ZNF724: variants seen among roughly 807,000 people sequenced by gnomAD.
The protein encoded by ZNF724 is zinc finger protein 724 pseudogene.
In ZNF724, 14 loss-of-function variants were observed where a neutral mutation model predicts 29.3. That is an observed-to-expected ratio of 0.48 (90% CI 0.32 to 0.75). The LOEUF (loss-of-function observed/expected upper bound fraction) is 0.75, where lower values mean the gene tolerates loss of function less well. Ranked by LOEUF, ZNF724 falls within the 30% of genes least tolerant of loss-of-function variation. The pLI is 0.04. For synonymous variants in ZNF724, 180 were observed against 193.6 expected (o/e 0.93, Z 0.58); for missense variants, 557 against 571.2 (o/e 0.98, Z 0.25).
intron 3 of ZNF724, among the ~76,000 whole-genome samples, chr19:23,225,246 G>A (rs1032610712): frequency 6.6e-6 from 1 of 152,138 alleles, no homozygotes; most frequent in Non-Finnish European, 1.5e-5. Flanking sequence ...TAACCCAGAT[G>A]TCTTTTGATT....
At chr19:23,234,147 C>T (rs1971985257) in intron 1 of ZNF724, among the ~76,000 whole-genome samples, 1 of 152,188 alleles carries the variant, frequency 6.6e-6, no homozygotes, top group Admixed American at 6.5e-5. Context: ...GCCCTGTGAC[C>T]ATCCTTCAGT....
At chr19:23,247,374 A>T (rs1210162967) in intron 1 of ZNF724, among the ~76,000 whole-genome samples, 1 of 152,208 alleles carries the variant, frequency 6.6e-6, no homozygotes, top group Non-Finnish European at 1.5e-5. Context: ...TCACCTTTCA[A>T]GCTCTACTAA....
At chr19:23,246,920 G>T (rs1439521697) in intron 1 of ZNF724, among the ~76,000 whole-genome samples, 3 of 151,996 alleles carry the variant, frequency 2.0e-5, no homozygotes, top group African/African-American at 7.2e-5. Context: ...AAACACTCAG[G>T]CAAAAAAACA....
intron 1 of ZNF724, among the ~76,000 whole-genome samples, chr19:23,244,112 G>A (rs1972192344): frequency 6.6e-6 from 1 of 151,996 alleles, no homozygotes; most frequent in Non-Finnish European, 1.5e-5. Flanking sequence ...ACGGGTGGGG[G>A]TAAGTGCAAT....
chr19:23,243,107 G>C (rs111330076), intron 1 of ZNF724, among the ~76,000 whole-genome samples: 1 of 150,742 alleles, frequency 6.6e-6, no homozygotes. Flanking sequence ...ATGGAATACT[G>C]TATGACCATA....
At chr19:23,242,083 A>G (rs1033862756) in intron 1 of ZNF724, among the ~76,000 whole-genome samples, 2 of 152,202 alleles carry the variant, frequency 1.3e-5, no homozygotes, top group African/African-American at 4.8e-5. Flanking sequence ...ATACATCAAC[A>G]TACAAGCCAA....
intron 1 of ZNF724, among the ~76,000 whole-genome samples, chr19:23,246,333 C>T (rs1163124855): frequency 6.6e-6 from 1 of 152,098 alleles, no homozygotes; most frequent in Non-Finnish European, 1.5e-5. Flanking sequence ...TATGGGGACA[C>T]CTCTAGGAGG....
intron 1 of ZNF724, among the ~76,000 whole-genome samples, chr19:23,234,386 G>A (rs1486108581): frequency 6.6e-6 from 1 of 152,058 alleles, no homozygotes; most frequent in Non-Finnish European, 1.5e-5. Flanking sequence ...TGGCAAAAAC[G>A]TCAATTAACT....
chr19:23,232,111 AAAAC>A, intron 2 of ZNF724, 52 bp downstream of exon 2: 1 of 1,217,618 alleles, frequency 8.2e-7, no homozygotes, highest in Non-Finnish European at 1.2e-6. Flanking sequence ...ATCCTACAAA[AAAAC>A]AAACGAAATA....
At position 23,229,108 on chromosome 19, in the gene ZNF724, C is replaced by T. The variant is rs145914809; in HGVS notation, c.226+2158G>A. On this transcript the variant is annotated intron_variant, in intron 3 of 3. Transcript: ENST00000418100. Reference sequence around the variant, plus strand: ...GATTGAGAGAGAGAGCTTTGAGATCCAGGGAGGGAGTTGTGAAACTCTGAT... The same window carrying T: ...GATTGAGAGAGAGAGCTTTGAGATCTAGGGAGGGAGTTGTGAAACTCTGAT... Among the ~76,000 whole-genome samples the T allele has an allele frequency of 3.0e-4, 45 of 151,942 alleles. 1 individual carries two copies. The highest frequency in any genetic ancestry group is 1.0e-3 in the African/African-American group (42 of 41,450).
At chr19:23,228,348 G>A (rs377529483) in intron 3 of ZNF724, among the ~76,000 whole-genome samples, 26 of 151,768 alleles carry the variant, frequency 1.7e-4, no homozygotes, top group African/African-American at 6.3e-4. Flanking sequence ...TACTCGGGAG[G>A]CTGAGACAGC....
At chr19:23,231,892 C>T (rs1971939326) in intron 2 of ZNF724, among the ~76,000 whole-genome samples, 2 of 152,006 alleles carry the variant, frequency 1.3e-5, no homozygotes, top group Non-Finnish European at 2.9e-5. Flanking sequence ...CACCACTACA[C>T]CTGGCTAATT....
At chr19:23,229,303 C>G (rs924851000) in intron 3 of ZNF724, among the ~76,000 whole-genome samples, 1 of 152,120 alleles carries the variant, frequency 6.6e-6, no homozygotes, top group African/African-American at 2.4e-5. Flanking sequence ...CAGTCACAGT[C>G]TGGGAGAGGT....
intron 1 of ZNF724, chr19:23,242,505 G>T (rs1273718309): frequency 6.6e-6 from 1 of 151,612 alleles, no homozygotes; most frequent in Non-Finnish European, 1.5e-5. Context: ...CACGAGGTCA[G>T]GAGTTTGAGA....
At chr19:23,249,851 A>G (rs1315042457) in intron 1 of ZNF724, among the ~76,000 whole-genome samples, 1 of 152,098 alleles carries the variant, frequency 6.6e-6, no homozygotes, top group East Asian at 1.9e-4. Context: ...AATTTTTAAT[A>G]GGGGGAAAGA....
chr19:23,245,297 C>G (rs921085645), intron 1 of ZNF724, among the ~76,000 whole-genome samples: 1 of 152,212 alleles, frequency 6.6e-6, no homozygotes, highest in Non-Finnish European at 1.5e-5. Flanking sequence ...CATACAACCC[C>G]ATTATATGCT....
chr19:23,222,004 T>C lies in ZNF724; in HGVS notation c.*381A>G. 5.4e-6 allele frequency: 1 copy of C among 185,438 alleles called. No individual in the cohort carries two copies. Among genetic ancestry groups the C allele is most frequent in the South Asian group, 1.2e-4 (1 of 8,314 alleles). The allele number at this position is 185,438 out of a possible 1,614,324, so 11.5% of individuals were successfully genotyped here. On this transcript the variant is annotated 3_prime_UTR_variant, in exon 4 of 4. Transcript: ENST00000418100. ...ATGCTTCTATTAAGTATGAACTCTC[T>C]GATATTGAATAAGATGTGAACAGAT...
At chr19:23,248,482 C>T (rs931567500) in intron 1 of ZNF724, among the ~76,000 whole-genome samples, 1 of 151,896 alleles carries the variant, frequency 6.6e-6, no homozygotes, top group African/African-American at 2.4e-5. Context: ...AAAATCAGTC[C>T]TCTGTGGAGT....
chr19:23,241,600 T>C (rs1253875211), intron 1 of ZNF724, among the ~76,000 whole-genome samples: 1 of 152,126 alleles, frequency 6.6e-6, no homozygotes, highest in African/African-American at 2.4e-5. Flanking sequence ...CATACAAAAA[T>C]ATCAATAAAT....
Sources: gnomAD v4.1 joint callset for allele counts (sites outside exome capture counted in the v4.1 genomes callset) on GRCh38, gnomAD v4.1.1 for gene constraint, MANE v1.5 for transcripts, NCBI Gene and HGNC (gene_info 2026-07-23, HGNC 2026-07-21) for gene names.